Variants in ALK observed in about 807,000 individuals in gnomAD.
ALK encodes ALK receptor tyrosine kinase, also known as ALK tyrosine kinase receptor.
ALK carries 74 observed loss-of-function variants against 163.1 expected under a neutral mutation model. The ratio of observed to expected loss-of-function variants is 0.45; its 90% confidence interval spans 0.38 to 0.55. ALK has a LOEUF of 0.55. Among genes scored for constraint, ALK ranks in the 20% least tolerant of loss-of-function variants. ALK has a pLI of 0.00. For synonymous variants in ALK, 960 were observed against 843.2 expected, an observed-to-expected ratio of 1.14 and a Z score of -2.40; for missense variants, 2,063 against 2,105.3, an observed-to-expected ratio of 0.98 and a Z score of 0.39.
chr2:29,379,766 A>G (rs1215004462), intron 5 of ALK, among the ~76,000 whole-genome samples: 1 of 152,224 alleles, frequency 6.6e-6, no homozygotes, highest in African/African-American at 2.4e-5. Context: ...GGTATCAGGG[A>G]GACCAGTTGG....
chr2:29,734,196 G>A (rs1679827977), intron 1 of ALK, among the ~76,000 whole-genome samples: 1 of 152,164 alleles, frequency 6.6e-6, no homozygotes, highest in South Asian at 2.1e-4. Context: ...CTTGGCAATT[G>A]TGCAATCTGT....
At chr2:29,845,237 T>C (rs961790111) in intron 1 of ALK, among the ~76,000 whole-genome samples, 1 of 152,218 alleles carries the variant, frequency 6.6e-6, no homozygotes, top group Non-Finnish European at 1.5e-5. Flanking sequence ...CAGATGCTAC[T>C]GATCCCTCAG....
chr2:29,476,626 C>G (rs1013140890), intron 4 of ALK, among the ~76,000 whole-genome samples: 1 of 151,760 alleles, frequency 6.6e-6, no homozygotes, highest in Non-Finnish European at 1.5e-5. Flanking sequence ...GGGGGAGTTT[C>G]CCGGTGGAGA....
At chr2:29,397,575 A>G (rs1471653532) in intron 4 of ALK, among the ~76,000 whole-genome samples, 2 of 152,210 alleles carry the variant, frequency 1.3e-5, no homozygotes, top group East Asian at 1.9e-4. Context: ...ACAAACTTTA[A>G]AAGTATTTTT....
At position 29,638,208 on chromosome 2, in the gene ALK, G is replaced by C. The variant is rs117322471; in HGVS notation, c.952+56642C>G. On this transcript the variant is annotated intron_variant, in intron 3 of 28. Coordinates refer to ENST00000389048, the MANE Select transcript of ALK (RefSeq NM_004304.5). ...GGACACCAGCACCTGCTAACTGCAT[G>C]ACCATGGGGACCTGCAATATAGAAA... 6.6e-5 allele frequency among the ~76,000 whole-genome samples: 10 copies of C among 152,330 alleles called. No individual in the cohort carries two copies. In the East Asian group the frequency reaches 1.9e-3, roughly 29 times the overall value.
At chr2:29,311,580 C>T (rs574861673) in intron 8 of ALK, among the ~76,000 whole-genome samples, 13 of 152,150 alleles carry the variant, frequency 8.5e-5, no homozygotes, top group African/African-American at 1.7e-4. Context: ...AGGCTTATGA[C>T]GTTCTGCTCT....
intron 1 of ALK, among the ~76,000 whole-genome samples, chr2:29,830,991 GAAGAAGAAGAA>G (rs1665372749): frequency 1.9e-5 from 1 of 53,788 alleles, no homozygotes; most frequent in African/African-American, 5.7e-5. Flanking sequence ...AGAAGAAGAA[GAAGAAGAAGAA>G]GAAGAAGAAG....
At chr2:29,896,471 A>T (rs1667274061) in intron 1 of ALK, among the ~76,000 whole-genome samples, 1 of 152,194 alleles carries the variant, frequency 6.6e-6, no homozygotes, top group Admixed American at 6.5e-5. Flanking sequence ...CTAATCTAAC[A>T]GGATTCACAT....
chr2:29,821,519 G>A (rs1665047269), intron 1 of ALK, among the ~76,000 whole-genome samples: 1 of 152,124 alleles, frequency 6.6e-6, no homozygotes, highest in African/African-American at 2.4e-5. Context: ...TGCAATCCCT[G>A]AAATTCAGTC....
intron 1 of ALK, among the ~76,000 whole-genome samples, chr2:29,836,020 T>C (rs1423235328): frequency 6.6e-6 from 1 of 152,046 alleles, no homozygotes; most frequent in Non-Finnish European, 1.5e-5. Context: ...ATTCCATAGC[T>C]CCCCTGTAGA....
At chr2:29,285,932 C>T (rs78763788) in intron 9 of ALK, among the ~76,000 whole-genome samples, 1 of 152,144 alleles carries the variant, frequency 6.6e-6, no homozygotes, top group Non-Finnish European at 1.5e-5. Context: ...CTCACTCTCT[C>T]CCAAAAAGAT....
chr2:29,509,739 C>A (rs189496161), intron 4 of ALK, among the ~76,000 whole-genome samples: 3 of 152,262 alleles, frequency 2.0e-5, no homozygotes, highest in Non-Finnish European at 1.5e-5. Context: ...TTTACAACAA[C>A]TAAAATAACC....
intron 9 of ALK, among the ~76,000 whole-genome samples, chr2:29,285,949 G>C (rs1222360560): frequency 6.6e-6 from 1 of 152,102 alleles, no homozygotes; most frequent in Non-Finnish European, 1.5e-5. Flanking sequence ...AGATTTCTCA[G>C]GATTCTCTGA....
intron 1 of ALK, among the ~76,000 whole-genome samples, chr2:29,807,590 T>G (rs1399962798): frequency 6.6e-6 from 1 of 152,102 alleles, no homozygotes; most frequent in Non-Finnish European, 1.5e-5. Flanking sequence ...AAGGTACAAG[T>G]GTTAGGTGGG....
intron 1 of ALK, among the ~76,000 whole-genome samples, chr2:29,797,163 A>C (rs532294574): frequency 1.3e-5 from 2 of 152,262 alleles, no homozygotes; most frequent in East Asian, 3.9e-4. Flanking sequence ...CATTTTAAAA[A>C]AATTAAAAAC....
chr2:29,380,661 C>T (rs779229704), intron 5 of ALK, among the ~76,000 whole-genome samples: 3 of 152,056 alleles, frequency 2.0e-5, no homozygotes, highest in African/African-American at 7.2e-5. Context: ...CTCGAACTCC[C>T]GACCTCAGGT....
In ALK at chr2:29,785,942, CACACACACACACACACAT is replaced by C. The variant is rs1345117698; in HGVS notation, c.668-68263_668-68246del. Among the ~76,000 whole-genome samples the C allele has an allele frequency of 2.0e-4, 25 of 123,850 alleles. 1 individual carries two copies. The highest frequency in any genetic ancestry group is 7.6e-4 in the African/African-American group (25 of 32,840). 81.3% of individuals were successfully genotyped at this position (123,850 alleles called of 152,430 possible). A position where few individuals can be genotyped will look rare whatever the true frequency, so the allele number is the denominator to read the frequency against. ...ACACACACACACACACACACACACA[CACACACACACACACACAT>C]TACCCTCTCTGCAAGGTTGGAACTA... On this transcript the variant is annotated intron_variant, in intron 1 of 28. Transcript: ENST00000389048.
At chr2:29,606,942 C>T (rs944440014) in intron 3 of ALK, among the ~76,000 whole-genome samples, 3 of 152,322 alleles carry the variant, frequency 2.0e-5, no homozygotes, top group Non-Finnish European at 4.4e-5. Flanking sequence ...TGCTCACCAG[C>T]CTTTAAAGCC....
intron 5 of ALK, among the ~76,000 whole-genome samples, chr2:29,366,158 C>T (rs1668501992): frequency 6.6e-6 from 1 of 151,858 alleles, no homozygotes; most frequent in African/African-American, 2.4e-5. Flanking sequence ...ATTGATAGGC[C>T]CCAAAACCTA....
Sources: gnomAD v4.1 joint callset for allele counts (sites outside exome capture counted in the v4.1 genomes callset) on GRCh38, gnomAD v4.1.1 for gene constraint, MANE v1.5 for transcripts, NCBI Gene and HGNC (gene_info 2026-07-23, HGNC 2026-07-21) for gene names.